MITF: variants seen among roughly 807,000 people sequenced by gnomAD.
MITF encodes melanocyte inducing transcription factor, also known as microphthalmia-associated transcription factor.
Under a neutral mutation model 60.5 loss-of-function variants are expected in MITF, and 17 were observed. The observed-to-expected ratio is 0.28, with a 90% CI of 0.19 to 0.42. MITF has a LOEUF of 0.42. Ranked by LOEUF, MITF falls within the 10% of genes least tolerant of loss-of-function variation. The probability of loss-of-function intolerance (pLI) is 1.00; values close to 1 mark genes in which losing one functional copy is unlikely to be tolerated. For synonymous variants in MITF, 260 were observed against 248.5 expected (o/e 1.05, Z -0.43); for missense variants, 622 against 683.5 (o/e 0.91, Z 1.00).
intron 2 of MITF, among the ~76,000 whole-genome samples, chr3:69,883,948 T>C (rs2064551253): frequency 6.6e-6 from 1 of 152,134 alleles, no homozygotes; most frequent in Non-Finnish European, 1.5e-5. Context: ...TGAATCAATG[T>C]TGGTGTCTGC....
chr3:69,926,825 G>C (rs933338324), intron 2 of MITF, among the ~76,000 whole-genome samples: 1 of 152,138 alleles, frequency 6.6e-6, no homozygotes, highest in African/African-American at 2.4e-5. Flanking sequence ...AAAAAACAAA[G>C]TCCTCTCCAT....
At chr3:69,959,699 G>C (rs529333195) in intron 9 of MITF, among the ~76,000 whole-genome samples, 1 of 152,328 alleles carries the variant, frequency 6.6e-6, no homozygotes, top group South Asian at 2.1e-4. Flanking sequence ...GCCTGAGGTT[G>C]ACTGTCTGCT....
chr3:69,822,517 T>G (rs186467165), intron 1 of MITF, among the ~76,000 whole-genome samples: 4 of 152,234 alleles, frequency 2.6e-5, no homozygotes, highest in African/African-American at 7.2e-5. Flanking sequence ...AAACACAGAC[T>G]AAAGGGCATA....
At chr3:69,950,497 CACAT>C (rs1373981528) in intron 6 of MITF, among the ~76,000 whole-genome samples, 1 of 147,872 alleles carries the variant, frequency 6.8e-6, no homozygotes, top group Non-Finnish European at 1.5e-5. Context: ...TACACACACA[CACAT>C]AGATATGCAT....
intron 7 of MITF, among the ~76,000 whole-genome samples, chr3:69,954,791 A>G (rs951557970): frequency 2.0e-5 from 3 of 152,202 alleles, no homozygotes; most frequent in Admixed American, 6.5e-5. Flanking sequence ...TTCGTATTAT[A>G]TAAAACGGAT....
chr3:69,887,311 T>G (rs544995855), intron 2 of MITF, among the ~76,000 whole-genome samples: 2 of 152,270 alleles, frequency 1.3e-5, no homozygotes, highest in East Asian at 3.9e-4. Flanking sequence ...TGTGAACATG[T>G]GTAAGCAAAA....
intron 1 of MITF, among the ~76,000 whole-genome samples, chr3:69,796,700 G>T (rs986992500): frequency 2.7e-5 from 4 of 149,898 alleles, no homozygotes; most frequent in Non-Finnish European, 5.9e-5. Context: ...TAGAGACGGG[G>T]TTTCACCTTG....
At chr3:69,810,142 T>C (rs1256318068) in intron 1 of MITF, among the ~76,000 whole-genome samples, 1 of 152,186 alleles carries the variant, frequency 6.6e-6, no homozygotes, top group Admixed American at 6.5e-5. Context: ...AGCCTCATAC[T>C]GACTGGCCAG....
intron 1 of MITF, among the ~76,000 whole-genome samples, chr3:69,877,643 C>A (rs1233779221): frequency 6.6e-6 from 1 of 152,086 alleles, no homozygotes; most frequent in East Asian, 1.9e-4. Context: ...AATAAGCGAA[C>A]TGTTAAATTG....
At chr3:69,907,163 T>C (rs1398914276) in intron 2 of MITF, among the ~76,000 whole-genome samples, 1 of 152,152 alleles carries the variant, frequency 6.6e-6, no homozygotes, top group Non-Finnish European at 1.5e-5. Flanking sequence ...ACAGTACCTT[T>C]GGTACTAAAG....
At chr3:69,959,224 T>C (rs1308427324) in intron 8 of MITF, 49 bp from the exon 9 acceptor site, 1 of 1,607,254 alleles carries the variant, frequency 6.2e-7, no homozygotes, top group South Asian at 1.1e-5. Context: ...TGAATTTTCA[T>C]TGAGCCTCAA....
intron 8 of MITF, 132 bp from the exon 9 acceptor site, chr3:69,959,141 C>T (rs1196993176): frequency 1.0e-5 from 11 of 1,080,448 alleles, no homozygotes; most frequent in African/African-American, 3.2e-5. Context: ...CCAAGCACCA[C>T]CTGTTCCCCC....
chr3:69,896,867 A>G (rs1575909507), intron 2 of MITF, among the ~76,000 whole-genome samples: 1 of 152,190 alleles, frequency 6.6e-6, no homozygotes, highest in Admixed American at 6.5e-5. Flanking sequence ...TGAACCCTTC[A>G]AACATTGCAG....
At chr3:69,934,184 C>G (rs1231674226) in intron 2 of MITF, among the ~76,000 whole-genome samples, 1 of 152,028 alleles carries the variant, frequency 6.6e-6, no homozygotes. Flanking sequence ...TATCTAAGAC[C>G]CTTGCAGGAG....
intron 2 of MITF, among the ~76,000 whole-genome samples, chr3:69,899,862 G>A (rs185586670): frequency 1.1e-3 from 173 of 152,192 alleles, no homozygotes; most frequent in Non-Finnish European, 8.7e-4. Context: ...TGATTTCAAG[G>A]GCTTTAGGCT....
intron 1 of MITF, among the ~76,000 whole-genome samples, chr3:69,759,554 T>G (rs961126134): frequency 4.6e-5 from 7 of 152,240 alleles, no homozygotes; most frequent in Non-Finnish European, 7.3e-5. Context: ...GATTTTGGGT[T>G]TACAAATCAG....
chr3:69,860,218 A>G (rs1355394512), intron 1 of MITF, among the ~76,000 whole-genome samples: 4 of 152,236 alleles, frequency 2.6e-5, no homozygotes, highest in Admixed American at 2.6e-4. Context: ...AGAGAATATC[A>G]AAGAGTTTAA....
chr3:69,942,766 A>G (rs1335978504), intron 5 of MITF, among the ~76,000 whole-genome samples: 2 of 152,116 alleles, frequency 1.3e-5, no homozygotes. Flanking sequence ...AGCACTCAGA[A>G]TCCTAGGACA....
intron 2 of MITF, among the ~76,000 whole-genome samples, chr3:69,905,965 A>G (rs1244784068): frequency 6.6e-6 from 1 of 152,108 alleles, no homozygotes; most frequent in Non-Finnish European, 1.5e-5. Context: ...GAAAAGCAGA[A>G]GTTTTAAATT....
Sources: allele counts gnomAD v4.1 joint callset (sites outside exome capture counted in the v4.1 genomes callset), GRCh38; gene constraint gnomAD v4.1.1; transcripts MANE v1.5; gene names NCBI Gene and HGNC (gene_info 2026-07-23, HGNC 2026-07-21).